The following ELAVL2 variants were observed in gnomAD, a reference collection of about 807,000 sequenced individuals.
The protein encoded by ELAVL2 is ELAV like RNA binding protein 2.
Under a neutral mutation model 34.6 loss-of-function variants are expected in ELAVL2, and 4 were observed. That is an observed-to-expected ratio of 0.12 (90% CI 0.06 to 0.26). ELAVL2 has a LOEUF of 0.26. Ranked by LOEUF, ELAVL2 falls within the 10% of genes least tolerant of loss-of-function variation. The pLI is 1.00. For missense variants in ELAVL2, 432 were observed against 442.8 expected (o/e 0.98, Z 0.22); for synonymous variants, 193 against 154.8 (o/e 1.25, Z -1.83).
intron 3 of ELAVL2, among the ~76,000 whole-genome samples, chr9:23,715,276 G>A (rs1174816459): frequency 6.6e-6 from 1 of 152,170 alleles, no homozygotes; most frequent in Non-Finnish European, 1.5e-5. Flanking sequence ...AGCCTCCCGA[G>A]TAGCTGGGAA....
rs551198045 is a variant in ELAVL2, at chr9:23,706,740, C to T, written c.334-1669G>A. Among the ~76,000 whole-genome samples the T allele has an allele frequency of 2.6e-5, 4 of 152,304 alleles. No individual in the cohort carries two copies. The East Asian group carries it at 7.7e-4, about 29-fold the overall frequency. On this transcript the variant is annotated intron_variant, in intron 3 of 6. Transcript: ENST00000397312. ...TACCCACCTTTAATCCAGTTAACAA[C>T]AAACTTTCCCAATTTACACTAATAC...
the ELAVL2 span, chr9:23,849,878 G>C: frequency 2.0e-5 from 3 of 151,918 alleles, no homozygotes; most frequent in African/African-American, 7.3e-5. Context: ...GAGAAGAAAT[G>C]GTAATTTTCG....
At chr9:23,840,701 T>C in the ELAVL2 span, among the ~76,000 whole-genome samples, 4 of 152,202 alleles carry the variant, frequency 2.6e-5, no homozygotes, top group Non-Finnish European at 4.4e-5. Flanking sequence ...ACATGTGAGA[T>C]AACCCCGGGA....
chr9:23,850,437 T>A, the ELAVL2 span, among the ~76,000 whole-genome samples: 1 of 152,110 alleles, frequency 6.6e-6, no homozygotes. Flanking sequence ...GCGAGGCTGC[T>A]GCAGCCGAGG....
At chr9:23,845,851 A>G in the ELAVL2 span, among the ~76,000 whole-genome samples, 2 of 151,914 alleles carry the variant, frequency 1.3e-5, no homozygotes, top group Non-Finnish European at 2.9e-5. Flanking sequence ...TCAGGAGACC[A>G]TTTATTGCAT....
intron 1 of ELAVL2, among the ~76,000 whole-genome samples, chr9:23,817,646 C>CAATGG (rs1360244997): frequency 6.6e-6 from 1 of 151,988 alleles, no homozygotes; most frequent in African/African-American, 2.4e-5. Flanking sequence ...TTGTTTTGCA[C>CAATGG]AATGGAATAC....
At chr9:23,763,160 C>T (rs889479159) in intron 1 of ELAVL2, among the ~76,000 whole-genome samples, 3 of 152,072 alleles carry the variant, frequency 2.0e-5, no homozygotes, top group Non-Finnish European at 4.4e-5. Flanking sequence ...CTCGTCTGAG[C>T]ACATAAGCCT....
chr9:23,806,646 A>G (rs925245866), intron 1 of ELAVL2, among the ~76,000 whole-genome samples: 14 of 152,190 alleles, frequency 9.2e-5, no homozygotes, highest in Admixed American at 3.3e-4. Flanking sequence ...TAATAAGACA[A>G]TAAGACCCAC....
At chr9:23,738,749 C>A (rs2048464350) in intron 2 of ELAVL2, among the ~76,000 whole-genome samples, 1 of 152,146 alleles carries the variant, frequency 6.6e-6, no homozygotes, top group African/African-American at 2.4e-5. Context: ...GAAATCAAAG[C>A]TGCAAATAGT....
chr9:23,832,656 T>C, the ELAVL2 span, among the ~76,000 whole-genome samples: 14 of 152,290 alleles, frequency 9.2e-5, 1 homozygote, highest in African/African-American at 3.4e-4. Flanking sequence ...CAAGGGCATT[T>C]ACATTTTAAG....
chr9:23,825,652 G>C (rs1037491781), intron 1 of ELAVL2, among the ~76,000 whole-genome samples, 154 bp downstream of exon 1: 9 of 152,126 alleles, frequency 5.9e-5, no homozygotes, highest in African/African-American at 2.2e-4. Flanking sequence ...TTTTAGTCTA[G>C]CTCTTTAAAA....
chr9:23,822,305 C>G (rs13290876), intron 1 of ELAVL2, among the ~76,000 whole-genome samples: 4,871 of 152,296 alleles, frequency 0.032, 252 homozygotes, highest in Admixed American at 0.12. Flanking sequence ...GCTTAGCCCC[C>G]TGCTGCCCCT....
chr9:23,704,151 T>TTTTTTTTTTTTTTTTTTTTTTTTTTGA (rs1473637219), intron 4 of ELAVL2, among the ~76,000 whole-genome samples: 1 of 151,728 alleles, frequency 6.6e-6, no homozygotes, highest in Non-Finnish European at 1.5e-5. Flanking sequence ...ACGCTGGTCT[T>TTTTTTTTTTTTTTTTTTTTTTTTTTGA]GAACTCCCAG....
At chr9:23,841,406 T>C in the ELAVL2 span, among the ~76,000 whole-genome samples, 1 of 152,132 alleles carries the variant, frequency 6.6e-6, no homozygotes, top group East Asian at 1.9e-4. Context: ...CCAATGCTGC[T>C]ACACCACCAG....
Position 23,704,143 on chromosome 9 carries a change from G to A in ELAVL2, c.487+775C>T, listed in dbSNP as rs559588977. Among the ~76,000 whole-genome samples, 4 of 151,876 alleles carry A rather than the reference G, an allele frequency of 2.6e-5. No individual in the cohort carries two copies. In the South Asian group the frequency reaches 6.3e-4, roughly 24 times the overall value. The stretch of plus-strand genomic sequence containing the variant: ...GATGGGGCTTCTCTATGTTGGTCAC[G>A]CTGGTCTTGAACTCCCAGCCTCAGG... On this transcript the variant is annotated intron_variant, in intron 4 of 6. Coordinates refer to ENST00000397312, the MANE Select transcript of ELAVL2 (RefSeq NM_004432.5).
At position 23,767,935 on chromosome 9, in the gene ELAVL2, G is replaced by A. The variant is rs2056617696; in HGVS notation, c.-15-5686C>T. On this transcript the variant is annotated intron_variant, in intron 1 of 6. Transcript: ENST00000397312. ...AAGTCATAGCAGGGCTGCTGAAAGGGCCAATACAATGACCCCTGGTGAGGC... is the reference window on the plus strand; with the variant it reads ...AAGTCATAGCAGGGCTGCTGAAAGGACCAATACAATGACCCCTGGTGAGGC... 1.3e-5 allele frequency among the ~76,000 whole-genome samples: 2 copies of A among 152,222 alleles called. 1 individual carries two copies. Among genetic ancestry groups the A allele is most frequent in the South Asian group, 4.2e-4 (2 of 4,812 alleles).
At chr9:23,803,030 A>T (rs944423307) in intron 1 of ELAVL2, among the ~76,000 whole-genome samples, 1 of 152,192 alleles carries the variant, frequency 6.6e-6, no homozygotes, top group Non-Finnish European at 1.5e-5. Flanking sequence ...AAGAACTTTG[A>T]GAATTACTGG....
At chr9:23,808,844 A>G (rs529055263) in intron 1 of ELAVL2, among the ~76,000 whole-genome samples, 4 of 152,172 alleles carry the variant, frequency 2.6e-5, no homozygotes, top group Admixed American at 6.6e-5. Flanking sequence ...AGTCTGAACT[A>G]TAACACCCAA....
chr9:23,743,140 A>G (rs2135278742), intron 2 of ELAVL2, among the ~76,000 whole-genome samples: 1 of 152,286 alleles, frequency 6.6e-6, no homozygotes, highest in South Asian at 2.1e-4. Context: ...CATGGCTACG[A>G]ATTAAGTCAA....
Sources: gnomAD v4.1 joint callset for allele counts (sites outside exome capture counted in the v4.1 genomes callset) on GRCh38, gnomAD v4.1.1 for gene constraint, MANE v1.5 for transcripts, NCBI Gene and HGNC (gene_info 2026-07-23, HGNC 2026-07-21) for gene names.